The following EFCAB5 variants were observed in gnomAD, a reference collection of about 807,000 sequenced individuals.
The protein encoded by EFCAB5 is EF-hand calcium binding domain 5, also known as EF-hand calcium-binding domain-containing protein 5.
In EFCAB5, 131 loss-of-function variants were observed where a neutral mutation model predicts 167.9. That is an observed-to-expected ratio of 0.78 (90% CI 0.68 to 0.90). The LOEUF is 0.90. Among genes scored for constraint, EFCAB5 ranks in the 40% least tolerant of loss-of-function variants. The pLI, the probability that EFCAB5 is intolerant of heterozygous loss-of-function variation, is 0.00. For missense variants in EFCAB5, 1,663 were observed against 1,745.2 expected, an observed-to-expected ratio of 0.95 and a Z score of 0.84; for synonymous variants, 574 against 602.8, an observed-to-expected ratio of 0.95 and a Z score of 0.70.
At chr17:30,063,264 G>A (rs1379017492) in intron 14 of EFCAB5, among the ~76,000 whole-genome samples, 1 of 152,120 alleles carries the variant, frequency 6.6e-6, no homozygotes, top group Non-Finnish European at 1.5e-5. Context: ...TGGGTTACTT[G>A]CTGCCACCGT....
rs576234972 is a variant in EFCAB5, at chr17:29,930,463, C to T, written c.-127+1134C>T. Among the ~76,000 whole-genome samples, 5 of 151,898 alleles carry T rather than the reference C, an allele frequency of 3.3e-5. No homozygotes were observed. The South Asian group carries it at 8.3e-4, about 25-fold the overall frequency. ...AGGGAGCCAGCCCGGTGAGGGGTCC[C>T]AGGGCGGGGGGCCGCTGGAGTCTTC... is the stretch of plus-strand genomic sequence containing the variant. On this transcript the variant is annotated intron_variant, in intron 1 of 3. Transcript: ENST00000448319.
chr17:29,984,088 C>T (rs946800419), intron 4 of EFCAB5, among the ~76,000 whole-genome samples: 7 of 151,382 alleles, frequency 4.6e-5, no homozygotes, highest in Admixed American at 4.0e-4. Context: ...ATAGTAGGTG[C>T]CGAATAAATA....
chr17:29,992,651 A>G (rs1304508041), intron 4 of EFCAB5, among the ~76,000 whole-genome samples: 2 of 152,148 alleles, frequency 1.3e-5, no homozygotes, highest in African/African-American at 4.8e-5. Context: ...TGGCCCCTCC[A>G]TTGTATTATA....
At chr17:30,046,701 C>T (rs528337101) in intron 8 of EFCAB5, among the ~76,000 whole-genome samples, 9 of 152,324 alleles carry the variant, frequency 5.9e-5, no homozygotes, top group Non-Finnish European at 1.3e-4. Context: ...CCCAAGCTTT[C>T]CTTGGCAGGA....
intron 4 of EFCAB5, among the ~76,000 whole-genome samples, chr17:29,992,031 G>A (rs1229588333): frequency 1.3e-5 from 2 of 151,914 alleles, no homozygotes; most frequent in Non-Finnish European, 2.9e-5. Flanking sequence ...TTTTTTTGTG[G>A]TGAGAACATT....
intron 7 of EFCAB5, among the ~76,000 whole-genome samples, chr17:30,019,309 C>CA (rs1439059851): frequency 2.6e-5 from 4 of 151,582 alleles, no homozygotes; most frequent in African/African-American, 4.8e-5. Flanking sequence ...GTTTTTAAAG[C>CA]AAAAATTGAT....
chr17:30,007,493 A>G (rs1326535732), intron 7 of EFCAB5, among the ~76,000 whole-genome samples: 2 of 152,206 alleles, frequency 1.3e-5, no homozygotes, highest in Non-Finnish European at 2.9e-5. Flanking sequence ...TACACAAACT[A>G]TTATTAAGAG....
chr17:30,019,187 C>T (rs1313479485), intron 7 of EFCAB5, among the ~76,000 whole-genome samples: 2 of 152,180 alleles, frequency 1.3e-5, no homozygotes, highest in Middle Eastern at 3.4e-3. Flanking sequence ...CTGTTTTATT[C>T]CATCCATTTA....
chr17:29,963,520 AT>A (rs1437339576), intron 3 of EFCAB5, among the ~76,000 whole-genome samples: 12 of 152,184 alleles, frequency 7.9e-5, no homozygotes, highest in Non-Finnish European at 1.8e-4. Context: ...TTACTGTGAT[AT>A]CTATCTAGCT....
At chr17:29,985,467 A>C (rs1200539595) in intron 4 of EFCAB5, among the ~76,000 whole-genome samples, 2 of 152,176 alleles carry the variant, frequency 1.3e-5, no homozygotes, top group African/African-American at 4.8e-5. Context: ...CACACACAGA[A>C]ATAAAGTGTG....
intron 4 of EFCAB5, among the ~76,000 whole-genome samples, chr17:29,971,430 T>C (rs930370273): frequency 5.9e-5 from 9 of 152,206 alleles, no homozygotes; most frequent in African/African-American, 2.2e-4. Context: ...TCCTTGTCTT[T>C]TTACAACTTT....
chr17:29,942,676 C>T (rs956388377), intron 2 of EFCAB5, among the ~76,000 whole-genome samples: 3 of 152,062 alleles, frequency 2.0e-5, no homozygotes, highest in Non-Finnish European at 4.4e-5. Context: ...TAAAGAAGAA[C>T]GTTTCATAGA....
At chr17:30,095,026 C>G (rs1056277893) in intron 22 of EFCAB5, among the ~76,000 whole-genome samples, 2 of 152,172 alleles carry the variant, frequency 1.3e-5, no homozygotes, top group Non-Finnish European at 2.9e-5. Flanking sequence ...ATTCTCCCCA[C>G]TCCACTTGGG....
chr17:30,011,588 A>G (rs1229702553), intron 7 of EFCAB5, among the ~76,000 whole-genome samples: 1 of 152,214 alleles, frequency 6.6e-6, no homozygotes, highest in African/African-American at 2.4e-5. Flanking sequence ...GAGTTCACTC[A>G]TGATTTGGCT....
intron 19 of EFCAB5, among the ~76,000 whole-genome samples, chr17:30,088,266 G>A (rs373807681): frequency 7.2e-5 from 11 of 152,084 alleles, no homozygotes; most frequent in Non-Finnish European, 4.4e-5. Context: ...GGGACTACAC[G>A]TATTTGCTAA....
At chr17:30,057,621 C>A in intron 12 of EFCAB5, 55 bp from the exon 13 acceptor site, 1 of 1,479,406 alleles carries the variant, frequency 6.8e-7, no homozygotes, top group Non-Finnish European at 9.3e-7. Flanking sequence ...CATTTATTTT[C>A]CCTAACTGAA....
chr17:29,941,821 G>T lies in EFCAB5; in HGVS notation c.25G>T (p.Glu9Ter). 1 of 1,605,366 alleles carries T rather than the reference G, an allele frequency of 6.2e-7. No individual in the cohort carries two copies. The highest frequency in any genetic ancestry group is 8.5e-7 in the Non-Finnish European group (1 of 1,175,320). ...AATGAATGAGTCAGCATCTCAAGAG[G>T]AACTCAGACCTGCTCAGGTTCTTGT... MNESASQE[E>*]LRPAQENRKE... The change falls in exon 1 of 23, where the codon GAA (glutamate) becomes TAA (stop). Residue 9 changes from glutamate (E) to a stop codon, truncating the protein, a stop_gained. Transcript: ENST00000394835. LOFTEE classifies it high-confidence loss of function.
chr17:30,065,950 A>G (rs1056267016), intron 14 of EFCAB5, among the ~76,000 whole-genome samples: 1 of 149,590 alleles, frequency 6.7e-6, no homozygotes. Context: ...TGATATTATA[A>G]AGCAAATATT....
At chr17:30,039,249 T>G (rs1302312342) in intron 8 of EFCAB5, among the ~76,000 whole-genome samples, 3 of 152,146 alleles carry the variant, frequency 2.0e-5, no homozygotes, top group Non-Finnish European at 4.4e-5. Flanking sequence ...GGAAAGGGGA[T>G]GGACACATCA....
Sources: allele counts gnomAD v4.1 joint callset (sites outside exome capture counted in the v4.1 genomes callset), GRCh38; gene constraint gnomAD v4.1.1; transcripts MANE v1.5; gene names NCBI Gene and HGNC (gene_info 2026-07-23, HGNC 2026-07-21).